Variants in LRRIQ3 observed in about 807,000 individuals in gnomAD.
LRRIQ3 encodes the protein leucine-rich repeat and IQ domain-containing protein 3.
LRRIQ3 carries 75 observed loss-of-function variants against 59.3 expected under a neutral mutation model. That is an observed-to-expected ratio of 1.26 (90% CI 1.05 to 1.53). The LOEUF is 1.53. LRRIQ3 is among the 40% of genes most tolerant of loss of function. The pLI is 0.00. For synonymous variants in LRRIQ3, 250 were observed against 231.3 expected (o/e 1.08, Z -0.73); for missense variants, 831 against 710.0 (o/e 1.17, Z -1.94).
At chr1:74,169,107 G>T (rs912946316) in intron 3 of LRRIQ3, among the ~76,000 whole-genome samples, 1 of 152,084 alleles carries the variant, frequency 6.6e-6, no homozygotes, top group African/African-American at 2.4e-5. Context: ...TGGTAAACAT[G>T]ATTTGATTAT....
In LRRIQ3 at chr1:74,101,900, G is replaced by A. The variant is rs1289509542; in HGVS notation, c.867+7494C>T. ...CAGGAAGGGGAACATCACACACTGG[G>A]GCCTGTCATATGGTGGGGGGAGCGG... On this transcript the variant is annotated intron_variant, in intron 5 of 7. Transcript: ENST00000354431. Among the ~76,000 whole-genome samples, 5 of 152,096 alleles carry A rather than the reference G, an allele frequency of 3.3e-5. No homozygotes were observed. In the East Asian group the frequency reaches 9.7e-4, roughly 30 times the overall value.
intron 3 of LRRIQ3, 42 bp downstream of exon 3, chr1:74,182,496 T>C (rs369905725): frequency 1.3e-4 from 166 of 1,320,700 alleles, no homozygotes; most frequent in Non-Finnish European, 1.4e-4. Context: ...AATTTCCCTT[T>C]TATACATTTA....
intron 7 of LRRIQ3, among the ~76,000 whole-genome samples, chr1:74,040,532 T>G (rs1243986349): frequency 2.6e-5 from 4 of 152,208 alleles, no homozygotes; most frequent in African/African-American, 7.2e-5. Flanking sequence ...ATTGACCACA[T>G]AATTGGAAGT....
At chr1:74,073,278 C>T (rs963389597) in intron 6 of LRRIQ3, among the ~76,000 whole-genome samples, 4 of 151,958 alleles carry the variant, frequency 2.6e-5, no homozygotes, top group South Asian at 2.1e-4. Context: ...TTTGGGAGGC[C>T]GAGGCAGGCG....
chr1:74,193,949 AT>A (rs1650932659), intron 1 of LRRIQ3, among the ~76,000 whole-genome samples: 1 of 152,176 alleles, frequency 6.6e-6, no homozygotes, highest in Non-Finnish European at 1.5e-5. Flanking sequence ...ATTACAAACT[AT>A]TTTTAGTTTA....
At chr1:74,136,470 G>C (rs768106948) in intron 4 of LRRIQ3, among the ~76,000 whole-genome samples, 29 of 151,952 alleles carry the variant, frequency 1.9e-4, no homozygotes, top group Middle Eastern at 3.4e-3. Context: ...TACCTCTCTG[G>C]AACCCTACTA....
intron 5 of LRRIQ3, among the ~76,000 whole-genome samples, chr1:74,080,533 C>T (rs1035252821): frequency 2.6e-5 from 4 of 151,672 alleles, no homozygotes; most frequent in Non-Finnish European, 5.9e-5. Context: ...ACACTTTACA[C>T]TGAACTCTGC....
chr1:74,178,695 A>G (rs916514421), intron 3 of LRRIQ3, among the ~76,000 whole-genome samples: 1 of 152,142 alleles, frequency 6.6e-6, no homozygotes, highest in African/African-American at 2.4e-5. Context: ...TAGGAAGTAA[A>G]TGTGTCCACT....
intron 3 of LRRIQ3, among the ~76,000 whole-genome samples, chr1:74,160,959 C>A (rs1478145251): frequency 6.6e-6 from 1 of 152,022 alleles, no homozygotes; most frequent in African/African-American, 2.4e-5. Context: ...TTAGTTTCTT[C>A]TTTTGATTCA....
intron 6 of LRRIQ3, among the ~76,000 whole-genome samples, chr1:74,071,948 T>C (rs1356345137): frequency 6.6e-6 from 1 of 152,144 alleles, no homozygotes; most frequent in Non-Finnish European, 1.5e-5. Context: ...TGGTCCCATA[T>C]GGGATTTGTA....
chr1:74,041,116 T>TA (rs2100387425), intron 7 of LRRIQ3, 97 bp downstream of exon 7: 2 of 1,009,250 alleles, frequency 2.0e-6, no homozygotes, highest in Non-Finnish European at 2.9e-6. Context: ...TGTACTATGT[T>TA]ACAAACAGCA....
chr1:74,161,962 A>G (rs1648688381), intron 3 of LRRIQ3, among the ~76,000 whole-genome samples: 1 of 151,848 alleles, frequency 6.6e-6, no homozygotes, highest in Non-Finnish European at 1.5e-5. Flanking sequence ...TCCCTCCATT[A>G]AAGAAGTGAC....
intron 3 of LRRIQ3, among the ~76,000 whole-genome samples, chr1:74,166,083 G>C (rs1376035784): frequency 6.6e-6 from 1 of 151,552 alleles, no homozygotes; most frequent in African/African-American, 2.4e-5. Flanking sequence ...ATATAAATTA[G>C]GAGGTGTTCC....
chr1:74,134,757 G>T (rs1456088550), intron 4 of LRRIQ3, among the ~76,000 whole-genome samples: 1 of 151,212 alleles, frequency 6.6e-6, no homozygotes, highest in Admixed American at 6.6e-5. Flanking sequence ...AAAAAACACA[G>T]TAAAAAGCAA....
intron 1 of LRRIQ3, among the ~76,000 whole-genome samples, chr1:74,191,142 T>C (rs1650741904): frequency 1.3e-5 from 2 of 152,310 alleles, no homozygotes; most frequent in Admixed American, 1.3e-4. Flanking sequence ...CCTAGTTCCA[T>C]TAACAATTCG....
intron 4 of LRRIQ3, among the ~76,000 whole-genome samples, chr1:74,136,459 G>A (rs1157941473): frequency 6.6e-6 from 1 of 151,796 alleles, no homozygotes; most frequent in South Asian, 2.1e-4. Flanking sequence ...TCATTCCAAG[G>A]TACCTCTCTG....
chr1:74,147,680 T>C (rs570407090), intron 4 of LRRIQ3, among the ~76,000 whole-genome samples: 5 of 152,314 alleles, frequency 3.3e-5, no homozygotes, highest in Admixed American at 3.3e-4. Context: ...TTTCCTTATA[T>C]GTGACTTGAG....
chr1:74,118,176 TAC>T (rs112393915), intron 4 of LRRIQ3, among the ~76,000 whole-genome samples: 16 of 151,792 alleles, frequency 1.1e-4, no homozygotes, highest in African/African-American at 2.4e-4. Flanking sequence ...TAAAATTGTA[TAC>T]ACACACACAC....
chr1:74,193,183 T>C (rs569770100), intron 1 of LRRIQ3, among the ~76,000 whole-genome samples: 1 of 152,294 alleles, frequency 6.6e-6, no homozygotes, highest in African/African-American at 2.4e-5. Flanking sequence ...TTTATAACTA[T>C]TTTGTGAAAT....
Sources: gnomAD v4.1 joint callset for allele counts (sites outside exome capture counted in the v4.1 genomes callset) on GRCh38, gnomAD v4.1.1 for gene constraint, MANE v1.5 for transcripts, NCBI Gene and HGNC (gene_info 2026-07-23, HGNC 2026-07-21) for gene names.